STK3: variants seen among roughly 807,000 people sequenced by gnomAD.
The protein encoded by STK3 is serine/threonine-protein kinase 3.
Under a neutral mutation model 58.0 loss-of-function variants are expected in STK3, and 41 were observed. The observed-to-expected ratio is 0.71, with a 90% CI of 0.55 to 0.92. STK3 has a LOEUF of 0.92. STK3 is among the 40% of genes least tolerant of loss of function. STK3 has a pLI of 0.00. For synonymous variants in STK3, 170 were observed against 191.0 expected, an observed-to-expected ratio of 0.89 and a Z score of 0.91; for missense variants, 479 against 602.7, an observed-to-expected ratio of 0.79 and a Z score of 2.15.
intron 3 of STK3, among the ~76,000 whole-genome samples, chr8:98,834,968 A>G (rs1405858794): frequency 1.3e-5 from 2 of 152,248 alleles, no homozygotes; most frequent in Admixed American, 6.5e-5. Flanking sequence ...AGGAATTTAC[A>G]TTGAAATAAC....
chr8:98,409,181 G>A (rs1818029109), intron 3 of STK3, among the ~76,000 whole-genome samples: 1 of 152,212 alleles, frequency 6.6e-6, no homozygotes, highest in Admixed American at 6.5e-5. Flanking sequence ...TATTTTGGGT[G>A]AGGAGAGGTG....
At chr8:98,752,992 T>C (rs1587518489) in intron 3 of STK3, among the ~76,000 whole-genome samples, 1 of 148,592 alleles carries the variant, frequency 6.7e-6, no homozygotes, top group Non-Finnish European at 1.5e-5. Context: ...GAAAAAGGAA[T>C]GCTTATATAC....
At chr8:98,541,416 G>T (rs776295422) in intron 9 of STK3, among the ~76,000 whole-genome samples, 1 of 151,938 alleles carries the variant, frequency 6.6e-6, no homozygotes, top group African/African-American at 2.4e-5. Flanking sequence ...CAGCTTCCCC[G>T]TCCCCTTCCA....
intron 3 of STK3, among the ~76,000 whole-genome samples, chr8:98,412,484 G>A (rs1266307581): frequency 6.6e-6 from 1 of 152,218 alleles, no homozygotes; most frequent in Non-Finnish European, 1.5e-5. Context: ...CAATCAGCTT[G>A]TATAAACAGT....
intron 1 of STK3, among the ~76,000 whole-genome samples, chr8:98,817,184 C>T (rs555594580): frequency 2.6e-5 from 4 of 152,226 alleles, no homozygotes; most frequent in Admixed American, 6.5e-5. Flanking sequence ...CCGGGCATGG[C>T]GGCTCATGCC....
At chr8:98,389,097 C>T (rs1388797850), upstream of STK3, among the ~76,000 whole-genome samples, 1 of 152,188 alleles carries the variant, frequency 6.6e-6, no homozygotes, top group East Asian at 1.9e-4. Flanking sequence ...TCAAGCATGG[C>T]TGATTGTCTG....
intron 1 of STK3, among the ~76,000 whole-genome samples, chr8:98,929,449 G>A (rs1423544614): frequency 3.3e-5 from 5 of 152,206 alleles, no homozygotes; most frequent in African/African-American, 4.8e-5. Context: ...TTGAGCTCAG[G>A]AGTTTGAGAC....
upstream of STK3, among the ~76,000 whole-genome samples, chr8:98,392,672 T>C (rs1016744600): frequency 6.6e-6 from 1 of 152,200 alleles, no homozygotes; most frequent in African/African-American, 2.4e-5. Context: ...ACTGGAGGCC[T>C]GATGTCACTT....
chr8:98,398,675 C>T (rs552011890), downstream of STK3, among the ~76,000 whole-genome samples: 50 of 152,296 alleles, frequency 3.3e-4, no homozygotes, highest in South Asian at 0.01. Flanking sequence ...CCCATCTCCC[C>T]CGAGGCTGCC....
downstream of STK3, among the ~76,000 whole-genome samples, chr8:98,367,756 A>T (rs1333188110): frequency 2.0e-5 from 3 of 152,172 alleles, no homozygotes; most frequent in African/African-American, 7.2e-5. Flanking sequence ...TTTCGGGGCA[A>T]CTCTCTGGCT....
chr8:98,865,930 T>C (rs1422647642), intron 3 of STK3, among the ~76,000 whole-genome samples: 1 of 152,220 alleles, frequency 6.6e-6, no homozygotes, highest in East Asian at 1.9e-4. Context: ...GACTGTTTCT[T>C]CCTCCTGGCC....
chr8:98,569,714 A>G (rs1432907316), intron 8 of STK3, among the ~76,000 whole-genome samples: 1 of 152,074 alleles, frequency 6.6e-6, no homozygotes, highest in Non-Finnish European at 1.5e-5. Context: ...CACAGTTATA[A>G]CTATATAAGA....
intron 6 of STK3, among the ~76,000 whole-genome samples, chr8:98,600,083 A>G (rs2130037726): frequency 6.6e-6 from 1 of 152,356 alleles, no homozygotes; most frequent in South Asian, 2.1e-4. Context: ...TTCTCCTATA[A>G]TAAAGTTTCC....
downstream of STK3, among the ~76,000 whole-genome samples, chr8:98,399,095 C>T (rs977953028): frequency 3.9e-5 from 6 of 152,162 alleles, no homozygotes; most frequent in Non-Finnish European, 7.4e-5. Flanking sequence ...GAGAACAAAT[C>T]ACCAGTCCAT....
chr8:98,744,697 C>T lies in STK3; in HGVS notation c.351+4579G>A, dbSNP rs188652639. 8.5e-3 allele frequency among the ~76,000 whole-genome samples: 1,296 copies of T among 151,838 alleles called. 9 individuals are homozygous for T. Among genetic ancestry groups the T allele is most frequent in the African/African-American group, 0.029 (1,220 of 41,366 alleles). On this transcript the variant is annotated intron_variant, in intron 4 of 10. Transcript: ENST00000419617. Reference sequence around the variant, plus strand: ...TGTATACATATGTAACTAACCTGCACATTGTGCACATGTACCCTAAAACTT... The same window carrying T: ...TGTATACATATGTAACTAACCTGCATATTGTGCACATGTACCCTAAAACTT...
chr8:98,566,333 T>A (rs915666248), intron 8 of STK3, among the ~76,000 whole-genome samples: 2 of 152,094 alleles, frequency 1.3e-5, no homozygotes, highest in African/African-American at 4.8e-5. Context: ...TTGATGAAAA[T>A]GGCAATTTAA....
intron 1 of STK3, among the ~76,000 whole-genome samples, chr8:98,384,645 G>C (rs553188169): frequency 1.6e-4 from 25 of 152,248 alleles, no homozygotes; most frequent in East Asian, 1.2e-3. Flanking sequence ...AGGGATCTCA[G>C]GCCCTTTCAT....
chr8:98,521,805 CTCTT>C (rs1234519229), intron 10 of STK3, among the ~76,000 whole-genome samples: 1 of 152,278 alleles, frequency 6.6e-6, no homozygotes, highest in Admixed American at 6.5e-5. Flanking sequence ...CCTGCCTTCT[CTCTT>C]TCTGCTATCC....
At chr8:98,833,128 G>A (rs964816528) in intron 3 of STK3, among the ~76,000 whole-genome samples, 1 of 152,156 alleles carries the variant, frequency 6.6e-6, no homozygotes, top group Non-Finnish European at 1.5e-5. Context: ...ACTTTAGAGA[G>A]ACAGAAACTA....
Sources: allele counts gnomAD v4.1 joint callset (sites outside exome capture counted in the v4.1 genomes callset), GRCh38; gene constraint gnomAD v4.1.1; transcripts MANE v1.5; gene names NCBI Gene and HGNC (gene_info 2026-07-23, HGNC 2026-07-21).